PTBP2: variants seen among roughly 807,000 people sequenced by gnomAD.
PTBP2 encodes the protein polypyrimidine tract binding protein 2.
In PTBP2, 13 loss-of-function variants were observed where a neutral mutation model predicts 61.4. The ratio of observed to expected loss-of-function variants is 0.21; its 90% CI spans 0.14 to 0.34. The LOEUF (loss-of-function observed/expected upper bound fraction) is 0.34. Ranked by LOEUF, PTBP2 falls within the 10% of genes least tolerant of loss-of-function variation. The pLI is 1.00. For missense variants in PTBP2, 405 were observed against 642.6 expected (o/e 0.63, Z 4.00); for synonymous variants, 215 against 218.5 (o/e 0.98, Z 0.14).
intron 5 of PTBP2, chr1:96,771,098 G>A (rs1204791716): frequency 6.5e-6 from 2 of 306,456 alleles, no homozygotes; most frequent in African/African-American, 2.2e-5. Context: ...AACTTATCAG[G>A]TAGGATTTAT....
At chr1:96,752,828 A>G (rs756388186) in intron 3 of PTBP2, among the ~76,000 whole-genome samples, 7 of 152,104 alleles carry the variant, frequency 4.6e-5, no homozygotes, top group Non-Finnish European at 8.8e-5. Context: ...ACGTGGAACA[A>G]CTGTTGTTTG....
At chr1:96,813,160 T>C in intron 13 of PTBP2, 54 bp downstream of exon 13, 1 of 1,550,012 alleles carries the variant, frequency 6.5e-7, no homozygotes, top group African/African-American at 1.4e-5. Flanking sequence ...TTTTAAGTAG[T>C]TTTTGTTCTT....
chr1:96,805,135 C>G (rs1162896680), intron 9 of PTBP2, among the ~76,000 whole-genome samples, 196 bp downstream of exon 9: 5 of 151,982 alleles, frequency 3.3e-5, no homozygotes, highest in Non-Finnish European at 5.9e-5. Context: ...AGTCATGTCT[C>G]TTTATATCTA....
chr1:96,761,912 G>T (rs1448947703), intron 3 of PTBP2, among the ~76,000 whole-genome samples: 1 of 152,020 alleles, frequency 6.6e-6, no homozygotes, highest in Admixed American at 6.5e-5. Flanking sequence ...GTGTCCCTGG[G>T]TCCTTGAGAT....
downstream of PTBP2, chr1:96,815,287 T>C (rs1412547453): frequency 6.6e-6 from 1 of 152,112 alleles, no homozygotes; most frequent in Non-Finnish European, 1.5e-5. Context: ...ATCTTTTGTG[T>C]CTGCTAAAGA....
intron 2 of PTBP2, among the ~76,000 whole-genome samples, chr1:96,738,343 G>T (rs533832979): frequency 6.6e-6 from 1 of 152,198 alleles, no homozygotes; most frequent in East Asian, 1.9e-4. Flanking sequence ...GCCCAGGCTG[G>T]AGTGCAGTGG....
At position 96,791,829 on chromosome 1, in the gene PTBP2, T is replaced by TTTTTTGTTTTTTTTTTG. The variant is rs1227829597; in HGVS notation, c.904+6580_904+6581insGTTTTTTTTTTGTTTTT. ...ACCTCTGTTGCTTGGAGTTGTGCTT[T>TTTTTTGTTTTTTTTTTG]TTTTTTTTTTTTTTTTTTTTGAGAT... On this transcript the variant is annotated intron_variant, in intron 8 of 13. Transcript: ENST00000674951. Among the ~76,000 whole-genome samples, 34 of 125,760 alleles carry TTTTTTGTTTTTTTTTTG rather than the reference T, an allele frequency of 2.7e-4. 1 individual carries two copies. The highest frequency in any genetic ancestry group is 1.0e-3 in the African/African-American group (30 of 28,738). The allele number at this position is 125,760 out of a possible 152,430, so 82.5% of individuals were successfully genotyped here. A position where few individuals can be genotyped will look rare whatever the true frequency, so the allele number is the denominator to read the frequency against.
At chr1:96,765,950 A>G (rs1359248489) in intron 3 of PTBP2, among the ~76,000 whole-genome samples, 1 of 152,152 alleles carries the variant, frequency 6.6e-6, no homozygotes, top group Non-Finnish European at 1.5e-5. Context: ...TCAGTGAGGA[A>G]GAGAGGGTTC....
At chr1:96,757,836 G>T (rs994447697) in intron 3 of PTBP2, among the ~76,000 whole-genome samples, 1 of 152,058 alleles carries the variant, frequency 6.6e-6, no homozygotes, top group African/African-American at 2.4e-5. Context: ...TTATAGAAGT[G>T]TTACCACAAG....
intron 7 of PTBP2, among the ~76,000 whole-genome samples, chr1:96,780,887 C>G (rs992678791): frequency 6.6e-6 from 1 of 152,054 alleles, no homozygotes; most frequent in Non-Finnish European, 1.5e-5. Context: ...GTCTCATTAA[C>G]AAGCCAGTAA....
At chr1:96,732,939 T>C (rs1458307708) in intron 2 of PTBP2, among the ~76,000 whole-genome samples, 2 of 152,158 alleles carry the variant, frequency 1.3e-5, no homozygotes. Context: ...GTAGTGAAAT[T>C]TGTACTTCAT....
At chr1:96,793,390 T>C (rs1017624084) in intron 8 of PTBP2, among the ~76,000 whole-genome samples, 2 of 152,158 alleles carry the variant, frequency 1.3e-5, no homozygotes, top group Non-Finnish European at 2.9e-5. Context: ...TTTTTTTTAG[T>C]TGGAGTACTG....
intron 2 of PTBP2, among the ~76,000 whole-genome samples, chr1:96,743,531 T>G (rs1318530078): frequency 1.3e-5 from 2 of 152,082 alleles, no homozygotes; most frequent in African/African-American, 4.8e-5. Context: ...ATACTTTTAT[T>G]AGGTATTGCA....
intron 2 of PTBP2, among the ~76,000 whole-genome samples, chr1:96,724,816 C>T (rs1032114420): frequency 6.6e-6 from 1 of 151,912 alleles, no homozygotes; most frequent in African/African-American, 2.4e-5. Context: ...TGTAACAAAC[C>T]TGCACGTTGT....
At chr1:96,734,909 T>C (rs971660807) in intron 2 of PTBP2, among the ~76,000 whole-genome samples, 18 of 149,634 alleles carry the variant, frequency 1.2e-4, no homozygotes, top group Non-Finnish European at 2.1e-4. Context: ...TTTTCTTTTT[T>C]TTTTTTTTTT....
chr1:96,761,686 GT>G (rs1437141110), intron 3 of PTBP2, among the ~76,000 whole-genome samples: 1 of 151,928 alleles, frequency 6.6e-6, no homozygotes, highest in Non-Finnish European at 1.5e-5. Context: ...AAGGAGACTC[GT>G]TTTTGGTGGG....
intron 3 of PTBP2, among the ~76,000 whole-genome samples, chr1:96,761,758 T>TA (rs1655905892): frequency 6.6e-6 from 1 of 152,164 alleles, no homozygotes; most frequent in Admixed American, 6.5e-5. Context: ...TTTTATTTTT[T>TA]ATTGATCATT....
exon 14 of PTBP2, chr1:96,822,028 G>C (rs1662699236): frequency 6.6e-6 from 1 of 152,060 alleles, no homozygotes; most frequent in Non-Finnish European, 1.5e-5. Flanking sequence ...ATGAAATACA[G>C]GTTGGTGCGA....
intron 8 of PTBP2, among the ~76,000 whole-genome samples, chr1:96,800,198 A>G (rs1311679079): frequency 6.6e-6 from 1 of 152,178 alleles, no homozygotes; most frequent in Non-Finnish European, 1.5e-5. Flanking sequence ...AAGTAAATCG[A>G]CAGGTGAGGA....
Sources: allele counts gnomAD v4.1 joint callset (sites outside exome capture counted in the v4.1 genomes callset), GRCh38; gene constraint gnomAD v4.1.1; transcripts MANE v1.5; gene names NCBI Gene and HGNC (gene_info 2026-07-23, HGNC 2026-07-21).